GRID2: variants seen among roughly 807,000 people sequenced by gnomAD.
GRID2 encodes the protein glutamate receptor ionotropic, delta-2.
A neutral mutation model predicts 114.8 loss-of-function variants in GRID2; 33 were observed. That is an observed-to-expected ratio of 0.29 (90% CI 0.22 to 0.38). The LOEUF is 0.38. Ranked by LOEUF, GRID2 falls within the 10% of genes least tolerant of loss-of-function variation. The pLI is 1.00. For missense variants in GRID2, 1,184 were observed against 1,257.7 expected (o/e 0.94, Z 0.89); for synonymous variants, 505 against 449.9 (o/e 1.12, Z -1.55).
Position 93,791,531 on chromosome 4 carries a change from A to G in GRID2, c.222-15184A>G, listed in dbSNP as rs149083100. ...ATATTTGTTGTCCAAAAAAAAAGGA[A>G]AGACTAACTTTAAGGAGATTTTCAT... On this transcript the variant is annotated intron_variant, in intron 1 of 1. Coordinates refer to the GRID2 transcript ENST00000637838. Among the ~76,000 whole-genome samples the G allele has an allele frequency of 5.5e-3, 842 of 152,330 alleles. 3 individuals are homozygous for G. Among genetic ancestry groups the G allele is most frequent in the Non-Finnish European group, 7.1e-3 (482 of 68,022 alleles).
intron 2 of GRID2, among the ~76,000 whole-genome samples, chr4:93,070,353 G>T (rs1272772803): frequency 2.6e-5 from 4 of 152,154 alleles, no homozygotes; most frequent in Non-Finnish European, 2.9e-5. Context: ...CCCAGAAATA[G>T]AAATGCTTCT....
intron 2 of GRID2, among the ~76,000 whole-genome samples, chr4:92,604,666 A>G (rs1031147468): frequency 6.6e-6 from 1 of 152,146 alleles, no homozygotes; most frequent in Non-Finnish European, 1.5e-5. Flanking sequence ...CATGTCCTGC[A>G]CATCTATCTC....
intron 1 of GRID2, among the ~76,000 whole-genome samples, chr4:92,452,189 T>A (rs187541156): frequency 1.4e-4 from 22 of 152,338 alleles, no homozygotes; most frequent in Admixed American, 6.5e-4. Flanking sequence ...GTGAAAGTTT[T>A]AATAAAAATA....
chr4:93,306,092 G>GT (rs935456984), intron 8 of GRID2: 6 of 152,160 alleles, frequency 3.9e-5, no homozygotes, highest in South Asian at 4.1e-4. Flanking sequence ...TCTTTTCAAT[G>GT]TTTTTTTCTT....
chr4:93,772,423 A>G lies in GRID2; in HGVS notation c.2949A>G (p.Ser983=). Residue 983 remains serine (S), a synonymous_variant, in exon 16 of 16, where the codon TCA becomes TCG. Coordinates refer to ENST00000282020, the MANE Select transcript of GRID2 (RefSeq NM_001510.4). ...GFFRSPIKTM[S]SIPYQPTPTL... is the part of the protein sequence containing the mutation. The stretch of plus-strand genomic sequence containing the variant: ...TCAGGAGTCCTATAAAAACAATGTC[A>G]TCTATTCCTTATCAACCAACTCCTA... 6.2e-7 allele frequency: 1 copy of G among 1,613,756 alleles called. No homozygotes were observed. The highest frequency in any genetic ancestry group is 8.5e-7 in the Non-Finnish European group (1 of 1,179,786).
rs185529708 is a variant in GRID2, at chr4:92,856,258, C to T, written c.245-228737C>T. Reference sequence around the variant, plus strand: ...ATTTTTCTATTATCATATTTTCATTCCTGTCCTTCTTGTCCTCTGAATTTC... The same window carrying T: ...ATTTTTCTATTATCATATTTTCATTTCTGTCCTTCTTGTCCTCTGAATTTC... On this transcript the variant is annotated intron_variant, in intron 2 of 15. Coordinates refer to ENST00000282020, the MANE Select transcript of GRID2 (RefSeq NM_001510.4). Among the ~76,000 whole-genome samples the T allele has an allele frequency of 1.2e-3, 178 of 152,120 alleles. 1 individual carries two copies. The highest frequency in any genetic ancestry group is 4.0e-3 in the African/African-American group (165 of 41,538).
chr4:93,184,468 C>A (rs1740199386), intron 4 of GRID2, among the ~76,000 whole-genome samples: 1 of 135,398 alleles, frequency 7.4e-6, no homozygotes, highest in African/African-American at 2.8e-5. Flanking sequence ...CTCTCCTCTG[C>A]AACCAACAGG....
At chr4:93,103,567 G>A (rs1578994429) in intron 3 of GRID2, among the ~76,000 whole-genome samples, 1 of 151,836 alleles carries the variant, frequency 6.6e-6, no homozygotes, top group South Asian at 2.1e-4. Flanking sequence ...CTCTTATACA[G>A]TCTGGATAAG....
At chr4:93,280,830 T>C (rs1752568156) in intron 8 of GRID2, among the ~76,000 whole-genome samples, 1 of 152,002 alleles carries the variant, frequency 6.6e-6, no homozygotes, top group Non-Finnish European at 1.5e-5. Flanking sequence ...CTCTTTATTG[T>C]GGTTTATTGG....
intron 2 of GRID2, among the ~76,000 whole-genome samples, chr4:92,595,211 A>G (rs1304736131): frequency 6.6e-6 from 1 of 152,008 alleles, no homozygotes; most frequent in African/African-American, 2.4e-5. Flanking sequence ...GTATTAAACT[A>G]TAATACTTTT....
rs554229868 is a variant in GRID2 at position 92,886,031 on chromosome 4, T to C, written c.245-198964T>C. Among the ~76,000 whole-genome samples the C allele has an allele frequency of 4.1e-4, 62 of 152,330 alleles. No individual in the cohort carries two copies. The South Asian group carries it at 0.012, about 30-fold the overall frequency. ...TATCTTGATTCTCATGGTTTTCTTT[T>C]ATAAATTTTGGTTTATTTTTAATAA... is the stretch of plus-strand genomic sequence containing the variant. On this transcript the variant is annotated intron_variant, in intron 2 of 15. Coordinates refer to ENST00000282020, the MANE Select transcript of GRID2 (RefSeq NM_001510.4).
intron 5 of GRID2, among the ~76,000 whole-genome samples, chr4:93,209,285 T>A (rs1294310373): frequency 6.6e-6 from 1 of 152,066 alleles, no homozygotes; most frequent in Non-Finnish European, 1.5e-5. Context: ...AAGTGTGTTG[T>A]TCCCCTCTTT....
At chr4:92,405,413 T>A (rs1428724123) in intron 1 of GRID2, among the ~76,000 whole-genome samples, 1 of 152,168 alleles carries the variant, frequency 6.6e-6, no homozygotes, top group African/African-American at 2.4e-5. Context: ...GACGCTGAAC[T>A]AACAACCATG....
chr4:92,327,083 A>G (rs533912788), intron 1 of GRID2, among the ~76,000 whole-genome samples: 4 of 151,856 alleles, frequency 2.6e-5, no homozygotes, highest in Non-Finnish European at 4.4e-5. Flanking sequence ...AAAAGGCAAA[A>G]TATTTCTTCT....
intron 1 of GRID2, among the ~76,000 whole-genome samples, chr4:93,790,633 A>G (rs776932824): frequency 4.6e-5 from 7 of 152,152 alleles, no homozygotes; most frequent in Non-Finnish European, 1.0e-4. Context: ...AAATTATTGA[A>G]ATATTTAAAA....
At chr4:93,602,651 C>A (rs1739805871) in intron 13 of GRID2, among the ~76,000 whole-genome samples, 7 of 152,196 alleles carry the variant, frequency 4.6e-5, no homozygotes, top group Admixed American at 4.6e-4. Context: ...GCTTCACCGA[C>A]TGACAGTTTA....
At chr4:93,355,488 T>G (rs1761244705) in intron 8 of GRID2, among the ~76,000 whole-genome samples, 2 of 152,166 alleles carry the variant, frequency 1.3e-5, no homozygotes, top group South Asian at 4.1e-4. Context: ...AGGCCATATC[T>G]CAAGAGCAAG....
intron 1 of GRID2, among the ~76,000 whole-genome samples, chr4:92,553,667 A>C (rs1726706980): frequency 6.6e-6 from 1 of 150,684 alleles, no homozygotes; most frequent in Non-Finnish European, 1.5e-5. Context: ...CTTTTTTTTT[A>C]TTTTTAGACA....
intron 14 of GRID2, among the ~76,000 whole-genome samples, chr4:93,704,793 T>A (rs917170321): frequency 7.9e-5 from 12 of 152,222 alleles, no homozygotes; most frequent in Non-Finnish European, 1.0e-4. Flanking sequence ...ATCTCAATTT[T>A]TATGGTCAAA....
Sources: gnomAD v4.1 joint callset for allele counts (sites outside exome capture counted in the v4.1 genomes callset) on GRCh38, gnomAD v4.1.1 for gene constraint, MANE v1.5 for transcripts, NCBI Gene and HGNC (gene_info 2026-07-23, HGNC 2026-07-21) for gene names.